Variants in MVP observed in about 807,000 individuals in gnomAD.
MVP encodes major vault protein.
Under a neutral mutation model 83.5 loss-of-function variants are expected in MVP, and 62 were observed. The ratio of observed to expected loss-of-function variants is 0.74; its 90% CI spans 0.61 to 0.92. The LOEUF (loss-of-function observed/expected upper bound fraction) is 0.92. MVP is among the 40% of genes least tolerant of loss of function. MVP has a pLI of 0.00. For missense variants in MVP, 1,000 were observed against 1,203.4 expected (o/e 0.83, Z 2.50); for synonymous variants, 505 against 504.1 (o/e 1.00, Z -0.02).
rs1567391994 is a variant in MVP, at chr16:29,836,753, T to A, written c.704T>A (p.Phe235Tyr). 8 of 1,604,236 alleles carry A rather than the reference T, an allele frequency of 5.0e-6. No homozygotes were observed. Among genetic ancestry groups the A allele is most frequent in the Non-Finnish European group, 6.0e-6 (7 of 1,172,948 alleles). ...CTGCACCTCCGGGCTCGGCGGAACT[T>A]CCGGGACTTCAGGGGAGTGTCCCGC... ...TALHLRARRN[F>Y]RDFRGVSRRT... The change falls in exon 7 of 15, where the codon TTC (phenylalanine) becomes TAC (tyrosine). Residue 235 changes from phenylalanine (F) to tyrosine (Y), a missense_variant. Transcript: ENST00000357402.
chr16:29,825,004 A>G (rs2067395285), intron 1 of MVP, among the ~76,000 whole-genome samples: 3 of 151,840 alleles, frequency 2.0e-5, no homozygotes, highest in African/African-American at 7.3e-5. Flanking sequence ...CGGCCTCCCA[A>G]AGTGTTGGGA....
intron 3 of MVP, chr16:29,833,468 CTTTTTTTTTTTTTT>C (rs34663728): frequency 2.3e-5 from 3 of 128,936 alleles, no homozygotes; most frequent in Non-Finnish European, 4.4e-5. Flanking sequence ...CCTGGCTACA[CTTTTTTTTTTTTTT>C]TTTTTTTTTA....
Position 29,846,740 on chromosome 16 carries a change from C to T in MVP, c.2265+456C>T, listed in dbSNP as rs866160227. Reference sequence around the variant, plus strand: ...TGGGTATGGTGGCATGTGTCTGTAACCCCAACTACTTGGTAGGCTGAGGCA... The same window carrying T: ...TGGGTATGGTGGCATGTGTCTGTAATCCCAACTACTTGGTAGGCTGAGGCA... On this transcript the variant is annotated intron_variant, in intron 13 of 14. Coordinates refer to ENST00000357402, the MANE Select transcript of MVP (RefSeq NM_005115.5). Among the ~76,000 whole-genome samples the T allele has an allele frequency of 1.8e-4, 27 of 152,234 alleles. No individual in the cohort carries two copies. The Middle Eastern group carries it at 0.01, about 58-fold the overall frequency.
chr16:29,840,238 T>A lies in MVP; in HGVS notation c.970T>A (p.Tyr324Asn). ...GCTGGAACAAGGCATCCAGGATGTGTATGTGCTGTCGGAGCAGCAGGGGCT... is the reference window on the plus strand; with the variant it reads ...GCTGGAACAAGGCATCCAGGATGTGAATGTGCTGTCGGAGCAGCAGGGGCT... ...EQLEQGIQDV[Y>N]VLSEQQGLLL... The change falls in exon 8 of 15, where the codon TAT becomes AAT. Residue 324 changes from tyrosine (Y) to asparagine (N), a missense_variant. By Grantham distance (143) the Tyr-to-Asn change is moderately radical. Transcript: ENST00000357402. 6.2e-7 allele frequency: 1 copy of A among 1,613,866 alleles called. No homozygotes were observed. The highest frequency in any genetic ancestry group is 1.1e-5 in the South Asian group (1 of 91,070).
intron 7 of MVP, among the ~76,000 whole-genome samples, chr16:29,838,895 G>A (rs1205872040): frequency 6.6e-6 from 1 of 152,110 alleles, no homozygotes; most frequent in Non-Finnish European, 1.5e-5. Flanking sequence ...TATGCTAAGT[G>A]AAAGAAGCCA....
intron 3 of MVP, 52 bp downstream of exon 3, chr16:29,831,125 C>G: frequency 6.5e-7 from 1 of 1,540,808 alleles, no homozygotes; most frequent in Non-Finnish European, 8.8e-7. Context: ...CTCCACCTGC[C>G]TTGGGCTCTA....
At position 29,835,700 on chromosome 16, in the gene MVP, C is replaced by A. The variant is rs762240588; in HGVS notation, c.578-4C>A. 15 of 1,613,288 alleles carry A rather than the reference C, an allele frequency of 9.3e-6. No individual in the cohort carries two copies. Among genetic ancestry groups the A allele is most frequent in the Non-Finnish European group, 1.3e-5 (15 of 1,179,790 alleles). ...TTGTCCCTTACCCTCCACTCTTGGC[C>A]CAGGGGAAGAATGGCTGGTCACCAC... is the stretch of plus-strand genomic sequence containing the variant. On this transcript the variant is annotated splice_region_variant and splice_polypyrimidine_tract_variant and intron_variant, in intron 5 of 14. Transcript: ENST00000357402.
intron 3 of MVP, among the ~76,000 whole-genome samples, chr16:29,831,284 G>A (rs1270504943): frequency 6.6e-6 from 1 of 152,110 alleles, no homozygotes; most frequent in African/African-American, 2.4e-5. Flanking sequence ...TTCCTCAGTA[G>A]CTGGGATTAC....
At chr16:29,824,028 C>G (rs1315310218) in intron 1 of MVP, among the ~76,000 whole-genome samples, 1 of 151,710 alleles carries the variant, frequency 6.6e-6, no homozygotes, top group Non-Finnish European at 1.5e-5. Flanking sequence ...CACTTCCAGC[C>G]TGACCAACAT....
chr16:29,825,003 A>G (rs931499462), intron 1 of MVP, among the ~76,000 whole-genome samples: 1 of 151,646 alleles, frequency 6.6e-6, no homozygotes, highest in Non-Finnish European at 1.5e-5. Flanking sequence ...TCGGCCTCCC[A>G]AAGTGTTGGG....
rs544281460 is a variant in MVP, at chr16:29,839,628, A to T, written c.910-550A>T. 1.7e-4 allele frequency among the ~76,000 whole-genome samples: 26 copies of T among 151,916 alleles called. No individual in the cohort carries two copies. In the South Asian group the frequency reaches 4.6e-3, roughly 27 times the overall value. ...CAACACCCCATCATCTACGAAGCAC[A>T]CAAAAATTAGCTGGGTGTGGTGATG... On this transcript the variant is annotated intron_variant, in intron 7 of 14. Coordinates refer to ENST00000357402, the MANE Select transcript of MVP (RefSeq NM_005115.5).
At chr16:29,834,226 A>AC in intron 5 of MVP, 160 bp downstream of exon 5, 1 of 981,534 alleles carries the variant, frequency 1.0e-6, no homozygotes, top group South Asian at 1.7e-5. Context: ...TTCCTTCCCC[A>AC]CCCCCGCTTC....
chr16:29,822,855 C>T (rs2067373599), intron 1 of MVP, among the ~76,000 whole-genome samples: 1 of 152,158 alleles, frequency 6.6e-6, no homozygotes, highest in South Asian at 2.1e-4. Context: ...GTAGCTGAGA[C>T]TACAGTTGCC....
In MVP at chr16:29,841,763, C is replaced by G. The variant is rs2067536769; in HGVS notation, c.1359C>G (p.Asn453Lys). 5 of 1,613,682 alleles carry G rather than the reference C, an allele frequency of 3.1e-6. No individual in the cohort carries two copies. Among genetic ancestry groups the G allele is most frequent in the South Asian group, 2.2e-5 (2 of 91,060 alleles). The part of the protein sequence containing the change: ...AKSLQPLAPR[N>K]KTRVVSYRVP... The stretch of plus-strand genomic sequence containing the variant: ...GCCTCCAGCCCTTGGCGCCCCGGAA[C>G]AAGACCCGTGTGGTCAGCTACCGCG... Residue 453 changes from asparagine (N) to lysine (K), a missense_variant, in exon 9 of 15, where the codon AAC (asparagine) becomes AAG (lysine). Coordinates refer to ENST00000357402, the MANE Select transcript of MVP (RefSeq NM_005115.5). This position sits in a 1 kb window ranked among gnomAD's most constrained non-coding sequence, Gnocchi z 4.7.
Position 29,844,742 on chromosome 16 carries a change from C to T in MVP, c.1884C>T (p.Phe628=), listed in dbSNP as rs2067568933. The part of the protein sequence containing the change: ...ALPRPRDQAV[F]PQNGLVVSSV... ...CCAGGCCCCGGGACCAGGCTGTCTT[C>T]CCCCAAAACGGGCTGGTGGTCAGCA... The change falls in exon 11 of 15, where the codon TTC becomes TTT. Residue 628 remains phenylalanine, a synonymous_variant. Coordinates refer to ENST00000357402, the MANE Select transcript of MVP (RefSeq NM_005115.5). 1 of 1,612,766 alleles carries T rather than the reference C, an allele frequency of 6.2e-7. No individual in the cohort carries two copies. The highest frequency in any genetic ancestry group is 8.5e-7 in the Non-Finnish European group (1 of 1,179,992).
intron 3 of MVP, among the ~76,000 whole-genome samples, chr16:29,831,342 C>T (rs1227452016): frequency 1.3e-5 from 2 of 152,052 alleles, no homozygotes; most frequent in African/African-American, 4.8e-5. Flanking sequence ...TTAGTAGAGA[C>T]AGGGTTTCAC....
intron 3 of MVP, among the ~76,000 whole-genome samples, chr16:29,831,943 T>G (rs2067446692): frequency 6.6e-6 from 1 of 152,226 alleles, no homozygotes; most frequent in Admixed American, 6.5e-5. Context: ...GTTTTTTGTT[T>G]GTTTGTTTGT....
At chr16:29,839,892 G>A (rs999375765) in intron 7 of MVP, among the ~76,000 whole-genome samples, 1 of 150,258 alleles carries the variant, frequency 6.7e-6, no homozygotes, top group Non-Finnish European at 1.5e-5. Flanking sequence ...CTGGGAGAAA[G>A]AAGAAAAAAC....
intron 5 of MVP, 23 bp downstream of exon 5, chr16:29,834,089 A>G (rs750506679): frequency 1.2e-6 from 2 of 1,610,052 alleles, no homozygotes. Flanking sequence ...AGGGGCGATG[A>G]TGGTGGGTGG....
Sources: allele counts gnomAD v4.1 joint callset (sites outside exome capture counted in the v4.1 genomes callset), GRCh38; gene constraint gnomAD v4.1.1; non-coding constraint Gnocchi (gnomAD v3.1); transcripts MANE v1.5; gene names NCBI Gene and HGNC (gene_info 2026-07-23, HGNC 2026-07-21).